PKD1: variants seen among roughly 807,000 people sequenced by gnomAD.
PKD1 encodes the protein polycystin 1, transient receptor potential channel interacting.
PKD1 carries 81 observed loss-of-function variants against 361.7 expected under a neutral mutation model. The ratio of observed to expected loss-of-function variants is 0.22; its 90% CI spans 0.19 to 0.27. PKD1 has a LOEUF of 0.27. Among genes scored for constraint, PKD1 ranks in the 10% least tolerant of loss-of-function variants. The probability of loss-of-function intolerance (pLI) is 1.00; values close to 1 mark genes in which losing one functional copy is unlikely to be tolerated. For missense variants in PKD1, 6,399 were observed against 6,118.3 expected, an observed-to-expected ratio of 1.05 and a Z score of -1.53; for synonymous variants, 3,615 against 2,818.3, an observed-to-expected ratio of 1.28 and a Z score of -8.95.
Position 2,092,543 on chromosome 16 carries a change from G to A in PKD1, c.11206C>T (p.His3736Tyr), listed in dbSNP as rs1234883435. Residue 3736 changes from histidine to tyrosine, a missense_variant, in exon 39 of 46, where the codon CAC becomes TAC. Coordinates refer to ENST00000262304, the MANE Select transcript of PKD1 (RefSeq NM_001009944.3). ...WMAHVLLPYV[H>Y]GNQSSPELGP... The stretch of plus-strand genomic sequence containing the variant: ...AGCTCTGGGCTGGACTGGTTCCCGT[G>A]GACGTAGGGCAGCAGCACGTGGGCC... 1.2e-6 allele frequency: 2 copies of A among 1,612,578 alleles called. No homozygotes were observed. Among genetic ancestry groups the A allele is most frequent in the Non-Finnish European group, 1.7e-6 (2 of 1,179,870 alleles).
chr16:2,126,039 C>T (rs980565838), intron 1 of PKD1, among the ~76,000 whole-genome samples: 2 of 152,098 alleles, frequency 1.3e-5, no homozygotes, highest in Non-Finnish European at 2.9e-5. Flanking sequence ...CATCTGCGCC[C>T]GGCTGTGCGG....
Position 2,118,919 on chromosome 16 carries a change from G to C in PKD1, c.360-74C>G, listed in dbSNP as rs1052869576. The C allele has an allele frequency of 6.4e-4, 444 of 689,908 alleles. 1 individual carries two copies. The highest frequency in any genetic ancestry group is 9.0e-4 in the Non-Finnish European group (370 of 411,090). The allele number at this position is 689,908 out of a possible 1,614,324, so 42.7% of individuals were successfully genotyped here. A position where few individuals can be genotyped will look rare whatever the true frequency, so the allele number is the denominator to read the frequency against. ...TATGCCAGCCCCCCACTGGCAACCAGGCCCTGGAGCCACCCTGACAGCACC... is the reference window on the plus strand; with the variant it reads ...TATGCCAGCCCCCCACTGGCAACCACGCCCTGGAGCCACCCTGACAGCACC... On this transcript the variant is annotated intron_variant, in intron 3 of 45. Transcript: ENST00000262304. This position sits in a 1 kb window ranked among gnomAD's most constrained non-coding sequence, Gnocchi z 6.0.
rs748805170 is a variant in PKD1, at chr16:2,099,863, G to A, written c.9921C>T (p.Tyr3307=). The A allele has an allele frequency of 1.3e-6, 2 of 1,566,706 alleles. No homozygotes were observed. The highest frequency in any genetic ancestry group is 1.7e-6 in the Non-Finnish European group (2 of 1,157,132). The change falls in exon 29 of 46, where the codon TAC becomes TAT. Residue 3307 remains tyrosine, a splice_region_variant and synonymous_variant. Coordinates refer to ENST00000262304, the MANE Select transcript of PKD1 (RefSeq NM_001009944.3). The part of the protein sequence containing the change: ...VWYGAVGDSA[Y]STGHVSRLSP... Reference sequence around the variant, plus strand: ...GCCCCGACCCCTACGGCACCCACCTGTAGGCAGAGTCGCCAACAGCCCCGT... The same window carrying A: ...GCCCCGACCCCTACGGCACCCACCTATAGGCAGAGTCGCCAACAGCCCCGT...
intron 1 of PKD1, among the ~76,000 whole-genome samples, chr16:2,126,035 C>T (rs566978492): frequency 8.5e-5 from 13 of 152,102 alleles, no homozygotes; most frequent in African/African-American, 2.7e-4. Context: ...TGGCCATCTG[C>T]GCCCGGCTGT....
At chr16:2,123,258 G>C (rs1256216795) in intron 1 of PKD1, among the ~76,000 whole-genome samples, 2 of 152,172 alleles carry the variant, frequency 1.3e-5, no homozygotes, top group East Asian at 1.9e-4. Context: ...GACCCCGCTC[G>C]GCCGAGCTCC....
At chr16:2,132,264 A>G (rs1297789867) in intron 1 of PKD1, among the ~76,000 whole-genome samples, 1 of 150,718 alleles carries the variant, frequency 6.6e-6, no homozygotes, top group African/African-American at 2.4e-5. Flanking sequence ...AAAAAAAAAA[A>G]AGTATATATT....
At position 2,103,472 on chromosome 16, in the gene PKD1, G is replaced by C; in HGVS notation, c.8585C>G (p.Pro2862Arg). ...GCGCTCTGAGGCCAGCCGCTCGATG[G>C]GGATCTGGGCGCCGGCCTGTGTCTG... ...AFQTQAGAQI[P>R]IERLASERAI... Residue 2862 changes from proline to arginine, a missense_variant, in exon 23 of 46, where the codon CCC (proline) becomes CGC (arginine). Transcript: ENST00000262304. 5 of 1,601,162 alleles carry C rather than the reference G, an allele frequency of 3.1e-6. No homozygotes were observed. Among genetic ancestry groups the C allele is most frequent in the Non-Finnish European group, 4.2e-6 (5 of 1,179,658 alleles).
Position 2,089,465 on chromosome 16 carries a change from ATAAAT to A in PKD1, c.*257_*261del. On this transcript the variant is annotated 3_prime_UTR_variant, in exon 46 of 46. Transcript: ENST00000262304. ...CCGCTGTACCTGAGGACTCGGGGAA[ATAAAT>A]TAGCATCTCAGAGGCTAGAAACCGT... 1 of 543,292 alleles carries A rather than the reference ATAAAT, an allele frequency of 1.8e-6. No homozygotes were observed. Among genetic ancestry groups the A allele is most frequent in the Non-Finnish European group, 3.3e-6 (1 of 303,672 alleles). 33.7% of individuals were successfully genotyped at this position (543,292 alleles called of 1,614,324 possible). A position where few individuals can be genotyped will look rare whatever the true frequency, so the allele number is the denominator to read the frequency against.
Position 2,091,606 on chromosome 16 carries a change from A to G in PKD1, c.11538-9T>C, listed in dbSNP as rs767434737. 1.0e-5 allele frequency: 16 copies of G among 1,559,710 alleles called. No individual in the cohort carries two copies. The highest frequency in any genetic ancestry group is 1.8e-5 in the Admixed American group (1 of 54,496). On this transcript the variant is annotated splice_polypyrimidine_tract_variant and intron_variant, in intron 41 of 45. Transcript: ENST00000262304. ...GGAACACAGCGCGGCTCCTGCGCAG[A>G]GGGTGCGGGTCAGTAGGAGCGGGTG...
At position 2,115,574 on chromosome 16, in the gene PKD1, G is replaced by A. The variant is rs1277706778; in HGVS notation, c.1901C>T (p.Thr634Ile). ...EPESRSPDNR[T>I]QLAPACMPGG... Reference sequence around the variant, plus strand: ...TGGCATGCACGCGGGGGCCAGCTGGGTCCTGTTGTCCGGGGACCTGCTCTC... The same window carrying A: ...TGGCATGCACGCGGGGGCCAGCTGGATCCTGTTGTCCGGGGACCTGCTCTC... The change falls in exon 10 of 46, where the codon ACC becomes ATC. Residue 634 changes from threonine to isoleucine, a missense_variant. Thr to Ile is a moderately conservative substitution (Grantham distance 89, BLOSUM62 -1). Coordinates refer to ENST00000262304, the MANE Select transcript of PKD1 (RefSeq NM_001009944.3). 6 of 1,593,160 alleles carry A rather than the reference G, an allele frequency of 3.8e-6. No homozygotes were observed. The highest frequency in any genetic ancestry group is 5.1e-6 in the Non-Finnish European group (6 of 1,168,776).
At position 2,091,461 on chromosome 16, in the gene PKD1, G is replaced by A. The variant is rs1376352108; in HGVS notation, c.11674C>T (p.Arg3892Cys). ...GGCAGCGAGAGGCCCGCGCTGAGGC[G>A]GCGCAGCGCAAAGGGGCGGACGCTG... ...ALSVRPFALR[R>C]LSAGLSLPLL... Residue 3892 changes from arginine (R) to cysteine (C), a missense_variant, in exon 42 of 46, where the codon CGC becomes TGC. By Grantham distance (180) the Arg-to-Cys change is radical. Coordinates refer to ENST00000262304, the MANE Select transcript of PKD1 (RefSeq NM_001009944.3). 13 of 1,265,048 alleles carry A rather than the reference G, an allele frequency of 1.0e-5. No homozygotes were observed. Among genetic ancestry groups the A allele is most frequent in the Non-Finnish European group, 1.1e-5 (11 of 1,004,908 alleles). The allele number at this position is 1,265,048 out of a possible 1,614,324, so 78.4% of individuals were successfully genotyped here. A position where few individuals can be genotyped will look rare whatever the true frequency, so the allele number is the denominator to read the frequency against.
In PKD1 at chr16:2,114,940, G is replaced by A. The variant is rs2854626; in HGVS notation, c.2098-15C>T. 2 of 1,527,988 alleles carry A rather than the reference G, an allele frequency of 1.3e-6. No individual in the cohort carries two copies. The highest frequency in any genetic ancestry group is 1.2e-5 in the South Asian group (1 of 83,884). The allele number at this position is 1,527,988 out of a possible 1,614,324, so 94.7% of individuals were successfully genotyped here. ...TGGAGGGTGACCTGTGGAGAGGGAG[G>A]CAGGGCTGCATCACGTCCTCACGGT... On this transcript the variant is annotated splice_polypyrimidine_tract_variant and intron_variant, in intron 10 of 45. Coordinates refer to ENST00000262304, the MANE Select transcript of PKD1 (RefSeq NM_001009944.3).
In PKD1 at chr16:2,106,521, C is replaced by T. The variant is rs753238955; in HGVS notation, c.7366G>A (p.Glu2456Lys). 1.3e-5 allele frequency: 20 copies of T among 1,595,764 alleles called. No homozygotes were observed. The highest frequency in any genetic ancestry group is 5.0e-5 in the Admixed American group (3 of 59,870). Reference sequence around the variant, plus strand: ...CGGATGGAGGCGCAGCCCTCCTCCTCGCCAGAGCGGCCCAGCACCGTGAGC... The same window carrying T: ...CGGATGGAGGCGCAGCCCTCCTCCTTGCCAGAGCGGCCCAGCACCGTGAGC... ...FTLTVLGRSGEEEGCASIRLS... is the reference protein window; with the variant it reads ...FTLTVLGRSGKEEGCASIRLS... The change falls in exon 18 of 46, where the codon GAG becomes AAG. Residue 2456 changes from glutamate (E) to lysine (K), a missense_variant. By Grantham distance (56) the Glu-to-Lys change is moderately conservative. Transcript: ENST00000262304. This position sits in a 1 kb window ranked among gnomAD's most constrained non-coding sequence, Gnocchi z 6.5.
rs200522524 is a variant in PKD1, at chr16:2,102,467, G to T, written c.9115C>A (p.Arg3039Ser). Reference sequence around the variant, plus strand: ...TGGCGGGTGAGGCAGACGGCCTGGCGGGGCGAGGTCTCCTCCAGGGGCAGC... The same window carrying T: ...TGGCGGGTGAGGCAGACGGCCTGGCTGGGCGAGGTCTCCTCCAGGGGCAGC... ...GLLPLEETSP[R>S]QAVCLTRHLT... The change falls in exon 25 of 46, where the codon CGC becomes AGC. Residue 3039 changes from arginine (R) to serine (S), a missense_variant. Coordinates refer to ENST00000262304, the MANE Select transcript of PKD1 (RefSeq NM_001009944.3). The T allele has an allele frequency of 6.8e-5, 106 of 1,556,710 alleles. No individual in the cohort carries two copies. In the East Asian group the frequency reaches 1.5e-3, roughly 21 times the overall value.
intron 16 of PKD1, 181 bp downstream of exon 16, chr16:2,107,702 A>T: frequency 1.5e-6 from 1 of 668,702 alleles, no homozygotes; most frequent in Non-Finnish European, 2.7e-6. Context: ...CTGTACGTGG[A>T]ACTGTGGCAG....
At chr16:2,108,054 C>A (rs548484679) in intron 15 of PKD1, 22 bp from the exon 16 acceptor site, 4 of 1,572,678 alleles carry the variant, frequency 2.5e-6, no homozygotes, top group Admixed American at 1.9e-5. Flanking sequence ...GAACAAGGGG[C>A]GACGTGGCCT....
chr16:2,118,486 C>T lies in PKD1; in HGVS notation c.530-24G>A, dbSNP rs574252501. Reference sequence around the variant, plus strand: ...ACCTAGAAGAGGCAGCCACTGGACCCCGGGTTCTGCTCCTCCTGGCTCCAC... The same window carrying T: ...ACCTAGAAGAGGCAGCCACTGGACCTCGGGTTCTGCTCCTCCTGGCTCCAC... On this transcript the variant is annotated intron_variant, in intron 4 of 45. Transcript: ENST00000262304. The surrounding 1 kb of genome is among the most constrained non-coding windows in gnomAD (Gnocchi z 6.0). The T allele has an allele frequency of 3.0e-6, 4 of 1,324,404 alleles. No individual in the cohort carries two copies. Among genetic ancestry groups the T allele is most frequent in the East Asian group, 5.0e-5 (2 of 40,176 alleles). The allele number at this position is 1,324,404 out of a possible 1,614,324, so 82.0% of individuals were successfully genotyped here. A position where few individuals can be genotyped will look rare whatever the true frequency, so the allele number is the denominator to read the frequency against.
At chr16:2,091,219 CG>C (rs2091515832) in intron 42 of PKD1, 45 bp from the exon 43 acceptor site, 1 of 931,560 alleles carries the variant, frequency 1.1e-6, no homozygotes, top group South Asian at 2.3e-5. Flanking sequence ...GCTGCCGGGG[CG>C]GGGCCCTGCG....
At position 2,097,822 on chromosome 16, in the gene PKD1, C is replaced by T. The variant is rs368931742; in HGVS notation, c.10168-42G>A. ...GTCTTGAGTCCAAGCTGCGCCAAGG[C>T]GGCAGGACCCCCAGCCCAGCCCAGG... On this transcript the variant is annotated intron_variant, in intron 31 of 45. Transcript: ENST00000262304. The T allele has an allele frequency of 7.3e-5, 117 of 1,610,464 alleles. 1 individual carries two copies. The highest frequency in any genetic ancestry group is 4.7e-4 in the South Asian group (43 of 90,976).
Sources: allele counts gnomAD v4.1 joint callset (sites outside exome capture counted in the v4.1 genomes callset), GRCh38; gene constraint gnomAD v4.1.1; non-coding constraint Gnocchi (gnomAD v3.1); transcripts MANE v1.5; gene names NCBI Gene and HGNC (gene_info 2026-07-23, HGNC 2026-07-21).